DMD: variants seen among roughly 807,000 people sequenced by gnomAD.
DMD encodes mutant dystrophin.
DMD carries 63 observed loss-of-function variants against 330.1 expected under a neutral mutation model. That is an observed-to-expected ratio of 0.19 (90% CI 0.16 to 0.24). The LOEUF (loss-of-function observed/expected upper bound fraction) is 0.24, where lower values mean the gene tolerates loss of function less well. Among genes scored for constraint, DMD ranks in the 10% least tolerant of loss-of-function variants. The pLI, the probability that DMD is intolerant of heterozygous loss-of-function variation, is 1.00. For missense variants in DMD, 3,344 were observed against 2,684.1 expected (o/e 1.25, Z -5.43); for synonymous variants, 1,223 against 959.8 (o/e 1.27, Z -5.07).
intron 67 of DMD, among the ~76,000 whole-genome samples, chrX:31,199,311 G>A (rs145527682): frequency 0.01 from 1,164 of 112,144 alleles, 4 homozygotes; most frequent in Non-Finnish European, 0.014. Context: ...CTACCAAAAT[G>A]AGTCAATTTC....
intron 19 of DMD, 68 bp downstream of exon 19, chrX:32,501,687 T>C: frequency 3.8e-6 from 3 of 784,506 alleles, no homozygotes; most frequent in Non-Finnish European, 5.8e-6. Context: ...ATAATTCAGC[T>C]GATAAATATG....
intron 60 of DMD, among the ~76,000 whole-genome samples, chrX:31,380,491 TC>T (rs1339621039): frequency 2.7e-5 from 3 of 110,621 alleles, no homozygotes; most frequent in Non-Finnish European, 1.9e-5. Context: ...AATGCCAACA[TC>T]CCATCCCACA....
At chrX:32,736,180 G>T (rs1436138311) in intron 7 of DMD, among the ~76,000 whole-genome samples, 2 of 112,075 alleles carry the variant, frequency 1.8e-5, no homozygotes, top group Non-Finnish European at 3.8e-5. Flanking sequence ...CATCATCACT[G>T]GGCATCAGAG....
chrX:31,607,105 T>C (rs140249357), intron 55 of DMD, among the ~76,000 whole-genome samples: 1,393 of 111,826 alleles, frequency 0.012, 28 homozygotes, highest in African/African-American at 0.042. Flanking sequence ...ATAACACTCA[T>C]GATGTGGTGC....
At chrX:32,555,358 G>A (rs1158091124) in intron 16 of DMD, among the ~76,000 whole-genome samples, 1 of 111,605 alleles carries the variant, frequency 9.0e-6, no homozygotes, top group Non-Finnish European at 1.9e-5. Context: ...AAAGCTAGAA[G>A]CATTCCCCCT....
intron 62 of DMD, among the ~76,000 whole-genome samples, chrX:31,266,210 C>G (rs55702926): frequency 0.15 from 13,568 of 91,332 alleles, 2,948 homozygotes; most frequent in African/African-American, 0.55. Context: ...ATCCCCACCC[C>G]CTGAAATCTT....
intron 2 of DMD, among the ~76,000 whole-genome samples, chrX:32,875,632 C>G (rs1376437956): frequency 8.9e-6 from 1 of 112,318 alleles, no homozygotes; most frequent in East Asian, 2.8e-4. Flanking sequence ...TTATGGTCTA[C>G]TACTCCACTG....
chrX:32,999,651 C>G (rs1194594747), intron 2 of DMD, among the ~76,000 whole-genome samples: 2 of 110,728 alleles, frequency 1.8e-5, no homozygotes, highest in Non-Finnish European at 3.8e-5. Flanking sequence ...TGGCACGTGC[C>G]TGTAGTCCCA....
At chrX:32,337,375 C>T (rs1016452398) in intron 41 of DMD, among the ~76,000 whole-genome samples, 1 of 107,896 alleles carries the variant, frequency 9.3e-6, no homozygotes, top group Non-Finnish European at 1.9e-5. Flanking sequence ...ATTAGGCATC[C>T]AAGATAAGAG....
chrX:33,307,617 C>G (rs899720116), intron 1 of DMD, among the ~76,000 whole-genome samples: 13 of 111,662 alleles, frequency 1.2e-4, no homozygotes, highest in Non-Finnish European at 2.1e-4. Context: ...CACTTGAACC[C>G]GGGAGGCAGA....
intron 54 of DMD, among the ~76,000 whole-genome samples, chrX:31,629,600 G>A (rs972577259): frequency 4.5e-5 from 5 of 111,774 alleles, no homozygotes; most frequent in Admixed American, 2.9e-4. Flanking sequence ...GGCTAACGTG[G>A]ACTGCCGGCT....
At chrX:33,309,651 A>G (rs977744724) in intron 1 of DMD, among the ~76,000 whole-genome samples, 4 of 111,271 alleles carry the variant, frequency 3.6e-5, no homozygotes, top group African/African-American at 1.3e-4. Context: ...CTTAAAAAAT[A>G]ATAAAGGTGT....
intron 44 of DMD, among the ~76,000 whole-genome samples, chrX:32,091,338 G>A (rs757439479): frequency 9.0e-6 from 1 of 111,701 alleles, no homozygotes; most frequent in Non-Finnish European, 1.9e-5. Context: ...TCAGTGATAA[G>A]CAGTTTGATT....
chrX:32,900,243 G>C (rs959134605), intron 2 of DMD, among the ~76,000 whole-genome samples: 2 of 111,816 alleles, frequency 1.8e-5, no homozygotes, highest in African/African-American at 3.2e-5. Context: ...GTATGAATAG[G>C]AATAATAAAT....
At chrX:32,291,234 T>A (rs1371502240) in intron 42 of DMD, among the ~76,000 whole-genome samples, 1 of 111,716 alleles carries the variant, frequency 9.0e-6, no homozygotes, top group Non-Finnish European at 1.9e-5. Flanking sequence ...TCAAATATAT[T>A]TGAAAGTAGG....
At position 32,429,429 on chromosome X, in the gene DMD, C is replaced by G. The variant is rs780873760; in HGVS notation, c.4071+8812G>C. On this transcript the variant is annotated intron_variant, in intron 29 of 78. Transcript: ENST00000357033. Reference sequence around the variant, plus strand: ...TTTTTTTTGTATTTGTGGTAGAGACCAGGTATCACCTTGTTGGCAGCCTGG... The same window carrying G: ...TTTTTTTTGTATTTGTGGTAGAGACGAGGTATCACCTTGTTGGCAGCCTGG... 7.5e-5 allele frequency among the ~76,000 whole-genome samples: 5 copies of G among 66,958 alleles called. No homozygotes were observed. In the East Asian group the frequency reaches 2.3e-3, roughly 30 times the overall value. 58.1% of individuals were successfully genotyped at this position (66,958 alleles called of 115,157 possible).
At chrX:31,507,827 A>C (rs990327999) in intron 55 of DMD, among the ~76,000 whole-genome samples, 7 of 111,996 alleles carry the variant, frequency 6.3e-5, no homozygotes, top group African/African-American at 2.3e-4. Flanking sequence ...CCCAGTGCCA[A>C]TAATTTCATT....
At chrX:32,981,464 T>C (rs1218978110) in intron 2 of DMD, among the ~76,000 whole-genome samples, 1 of 111,730 alleles carries the variant, frequency 9.0e-6, no homozygotes. Flanking sequence ...AAATAAGGTT[T>C]AGGTATTCTG....
intron 62 of DMD, among the ~76,000 whole-genome samples, chrX:31,313,968 G>C (rs1210486488): frequency 9.1e-6 from 1 of 110,483 alleles, no homozygotes; most frequent in African/African-American, 3.3e-5. Flanking sequence ...TGAGTAGCTG[G>C]GACCACAGGT....
Sources: gnomAD v4.1 joint callset for allele counts (sites outside exome capture counted in the v4.1 genomes callset) on GRCh38, gnomAD v4.1.1 for gene constraint, MANE v1.5 for transcripts, NCBI Gene and HGNC (gene_info 2026-07-23, HGNC 2026-07-21) for gene names.